Variants in TDRD5 observed in about 807,000 individuals in gnomAD.
TDRD5 encodes the protein tudor domain-containing protein 5.
In TDRD5, 41 loss-of-function variants were observed where a neutral mutation model predicts 120.6. The ratio of observed to expected loss-of-function variants is 0.34; its 90% CI spans 0.26 to 0.44. TDRD5 has a LOEUF of 0.44. Among genes scored for constraint, TDRD5 ranks in the 20% least tolerant of loss-of-function variants. The probability of loss-of-function intolerance (pLI) is 1.00; values close to 1 mark genes in which losing one functional copy is unlikely to be tolerated. For synonymous variants in TDRD5, 430 were observed against 433.7 expected, an observed-to-expected ratio of 0.99 and a Z score of 0.11; for missense variants, 1,006 against 1,221.2, an observed-to-expected ratio of 0.82 and a Z score of 2.63.
chr1:179,619,717 G>A (rs1676747774), intron 5 of TDRD5, among the ~76,000 whole-genome samples: 1 of 151,816 alleles, frequency 6.6e-6, no homozygotes, highest in African/African-American at 2.4e-5. Flanking sequence ...TCAACTCTGG[G>A]CTCAAGCAAT....
At chr1:179,665,891 T>G (rs1293175627) in intron 16 of TDRD5, among the ~76,000 whole-genome samples, 2 of 152,180 alleles carry the variant, frequency 1.3e-5, no homozygotes, top group Non-Finnish European at 2.9e-5. Flanking sequence ...ACTGGAAGTA[T>G]GCTTAGGATA....
Position 179,640,195 on chromosome 1 carries a change from G to A in TDRD5, c.1733+144G>A, listed in dbSNP as rs368634757. 3.5e-5 allele frequency: 38 copies of A among 1,077,692 alleles called. No individual in the cohort carries two copies. The South Asian group carries it at 5.3e-4, about 15-fold the overall frequency. The allele number at this position is 1,077,692 out of a possible 1,614,324, so 66.8% of individuals were successfully genotyped here. A position where few individuals can be genotyped will look rare whatever the true frequency, so the allele number is the denominator to read the frequency against. On this transcript the variant is annotated intron_variant, in intron 10 of 17. Transcript: ENST00000444136. ...CTTCTTAGTGCATATTTGACAACTG[G>A]GTCATTTCATTTCACAGATGGATTG...
At chr1:179,678,703 T>G (rs1680267231) in intron 17 of TDRD5, among the ~76,000 whole-genome samples, 1 of 152,194 alleles carries the variant, frequency 6.6e-6, no homozygotes, top group East Asian at 1.9e-4. Context: ...TAAATTCAAT[T>G]TTTTTTATTA....
At chr1:179,666,069 G>T (rs1250035809) in intron 16 of TDRD5, among the ~76,000 whole-genome samples, 2 of 152,086 alleles carry the variant, frequency 1.3e-5, no homozygotes, top group Admixed American at 6.5e-5. Flanking sequence ...CCCCTATGTA[G>T]ACAAACATGT....
chr1:179,593,791 A>G lies in TDRD5; in HGVS notation c.564A>G (p.Val188=). 1 of 1,614,246 alleles carries G rather than the reference A, an allele frequency of 6.2e-7. No individual in the cohort carries two copies. Among genetic ancestry groups the G allele is most frequent in the Non-Finnish European group, 8.5e-7 (1 of 1,180,046 alleles). ...VLNAASDVIS[V]EQTRAGSLLM... is the part of the protein sequence containing the mutation. ...ATGCGGCTTCAGATGTCATTTCTGT[A>G]GAGCAGACCAGAGCAGGTTCTTTGT... The change falls in exon 3 of 18, where the codon GTA becomes GTG. Residue 188 remains valine (V), a synonymous_variant. Transcript: ENST00000444136.
intron 14 of TDRD5, among the ~76,000 whole-genome samples, chr1:179,656,766 T>C (rs1679027987): frequency 6.6e-6 from 1 of 152,204 alleles, no homozygotes. Flanking sequence ...AATCAGGTAG[T>C]ATGGGCTGGG....
intron 17 of TDRD5, among the ~76,000 whole-genome samples, chr1:179,671,949 GGTGTGTGTGTGT>G (rs111855083): frequency 0.013 from 1,845 of 141,796 alleles, 57 homozygotes; most frequent in East Asian, 0.12. Flanking sequence ...AATATTCCAT[GGTGTGTGTGTGT>G]GTGTGTGTGT....
chr1:179,690,609 A>G, intron 17 of TDRD5, 87 bp from the exon 18 acceptor site: 2 of 1,513,184 alleles, frequency 1.3e-6, no homozygotes, highest in Admixed American at 2.1e-5. Context: ...ATTGTAACAC[A>G]TATTAGTATA....
At chr1:179,616,492 C>T (rs1291489576) in intron 4 of TDRD5, among the ~76,000 whole-genome samples, 2 of 152,116 alleles carry the variant, frequency 1.3e-5, no homozygotes, top group African/African-American at 4.8e-5. Context: ...CCCATCCAAT[C>T]TAATTTTCTG....
intron 4 of TDRD5, among the ~76,000 whole-genome samples, chr1:179,604,954 A>G (rs1052488211): frequency 6.6e-6 from 1 of 152,066 alleles, no homozygotes; most frequent in Non-Finnish European, 1.5e-5. Flanking sequence ...TGACCTGTCT[A>G]CTGCTGTCAG....
chr1:179,605,158 T>G (rs909051087), intron 4 of TDRD5, among the ~76,000 whole-genome samples: 3 of 152,220 alleles, frequency 2.0e-5, no homozygotes, highest in Non-Finnish European at 2.9e-5. Context: ...TGCTGTTGCT[T>G]TAAAGTTTGT....
intron 7 of TDRD5, among the ~76,000 whole-genome samples, chr1:179,632,495 TAGAG>T (rs1213733575): frequency 6.6e-6 from 1 of 151,658 alleles, no homozygotes; most frequent in Non-Finnish European, 1.5e-5. Context: ...CACAGATGAG[TAGAG>T]AGAGAACATT....
At chr1:179,615,613 G>A (rs1048404403) in intron 4 of TDRD5, among the ~76,000 whole-genome samples, 4 of 151,858 alleles carry the variant, frequency 2.6e-5, no homozygotes, top group South Asian at 2.1e-4. Context: ...CACTAAAAGC[G>A]TTGTTGAAAT....
chr1:179,609,981 G>A (rs921732764), intron 4 of TDRD5, among the ~76,000 whole-genome samples: 1 of 152,106 alleles, frequency 6.6e-6, no homozygotes, highest in Admixed American at 6.5e-5. Flanking sequence ...GGCTGTTTCT[G>A]TTACTTCTTC....
In TDRD5 at chr1:179,635,751, T is replaced by C. The variant is rs758052220; in HGVS notation, c.1384T>C (p.Cys462Arg). The C allele has an allele frequency of 1.3e-5, 21 of 1,614,070 alleles. No individual in the cohort carries two copies. The highest frequency in any genetic ancestry group is 4.4e-5 in the South Asian group (4 of 91,078). The part of the protein sequence containing the change: ...PPDAVPNKKL[C>R]RLPPLDTSSL... ...AGACGCTGTGCCGAACAAGAAATTA[T>C]GCAGACTCCCACCATTAGACACCAG... is the stretch of plus-strand genomic sequence containing the variant. The change falls in exon 9 of 18, where the codon TGC (cysteine) becomes CGC (arginine). Residue 462 changes from cysteine (C) to arginine (R), a missense_variant. Transcript: ENST00000444136.
At chr1:179,623,594 TA>T (rs1271673253) in intron 6 of TDRD5, among the ~76,000 whole-genome samples, 2 of 148,124 alleles carry the variant, frequency 1.4e-5, no homozygotes, top group Non-Finnish European at 3.0e-5. Context: ...GATTGTTTCT[TA>T]AAATAGCAGA....
At chr1:179,669,554 G>T in intron 17 of TDRD5, 150 bp downstream of exon 17, 1 of 962,822 alleles carries the variant, frequency 1.0e-6, no homozygotes, top group Non-Finnish European at 1.5e-6. Flanking sequence ...TTTATGTTTG[G>T]GCTCAATTGT....
At chr1:179,630,410 A>G (rs1677370253) in intron 6 of TDRD5, among the ~76,000 whole-genome samples, 1 of 152,208 alleles carries the variant, frequency 6.6e-6, no homozygotes, top group Non-Finnish European at 1.5e-5. Flanking sequence ...AAAATAGAGA[A>G]ATACCAATAG....
rs754010819 is a variant in TDRD5 at position 179,650,971 on chromosome 1, T to C, written c.1905T>C (p.Phe635=). The C allele has an allele frequency of 1.2e-6, 2 of 1,614,168 alleles. No homozygotes were observed. Residue 635 remains phenylalanine (F), a synonymous_variant, in exon 12 of 18, where the codon TTT becomes TTC. Coordinates refer to ENST00000444136, the MANE Select transcript of TDRD5 (RefSeq NM_001199085.3). The stretch of plus-strand genomic sequence containing the variant: ...ATGTAGATGGAATCCTTAACATTTT[T>C]TTGTGTGACACATCCTCAAACGAAG... ...DEYVDGILNI[F]LCDTSSNEDV... is the part of the protein sequence containing the mutation.
Sources: allele counts gnomAD v4.1 joint callset (sites outside exome capture counted in the v4.1 genomes callset), GRCh38; gene constraint gnomAD v4.1.1; transcripts MANE v1.5; gene names NCBI Gene and HGNC (gene_info 2026-07-23, HGNC 2026-07-21).